Variants in TBC1D5 observed in about 807,000 individuals in gnomAD.
TBC1D5 encodes TBC1 domain family member 5.
TBC1D5 carries 75 observed loss-of-function variants against 100.3 expected under a neutral mutation model. The observed-to-expected ratio is 0.75, with a 90% CI of 0.62 to 0.91. The LOEUF (loss-of-function observed/expected upper bound fraction) is 0.91, where lower values mean the gene tolerates loss of function less well. TBC1D5 is among the 40% of genes least tolerant of loss of function. TBC1D5 has a pLI of 0.00. For synonymous variants in TBC1D5, 323 were observed against 325.6 expected, an observed-to-expected ratio of 0.99 and a Z score of 0.09; for missense variants, 910 against 942.4, an observed-to-expected ratio of 0.97 and a Z score of 0.45.
chr3:17,692,784 G>C (rs1042099681), intron 1 of TBC1D5, among the ~76,000 whole-genome samples: 1 of 152,166 alleles, frequency 6.6e-6, no homozygotes, highest in Non-Finnish European at 1.5e-5. Context: ...GAAGATCACA[G>C]GTTGAGTACC....
chr3:17,404,117 AG>A (rs2093710328), intron 7 of TBC1D5, among the ~76,000 whole-genome samples: 1 of 152,136 alleles, frequency 6.6e-6, no homozygotes, highest in African/African-American at 2.4e-5. Context: ...ATTGGGAAAG[AG>A]GAATGCTAAC....
At chr3:17,363,238 T>G (rs1185581315) in intron 13 of TBC1D5, among the ~76,000 whole-genome samples, 1 of 152,198 alleles carries the variant, frequency 6.6e-6, no homozygotes, top group Non-Finnish European at 1.5e-5. Context: ...GTGATAAACA[T>G]ATCTATACAT....
At chr3:17,195,661 A>C (rs114154307) in intron 18 of TBC1D5, among the ~76,000 whole-genome samples, 2,263 of 152,326 alleles carry the variant, frequency 0.015, 26 homozygotes, top group Middle Eastern at 0.034. Flanking sequence ...CCCTGCAGCA[A>C]ATCCAAGCTG....
intron 3 of TBC1D5, among the ~76,000 whole-genome samples, chr3:17,464,654 T>C (rs2095272251): frequency 6.6e-6 from 1 of 152,192 alleles, no homozygotes; most frequent in Non-Finnish European, 1.5e-5. Context: ...ATTGTTTCCA[T>C]TTTCTCATTT....
intron 1 of TBC1D5, among the ~76,000 whole-genome samples, chr3:17,708,308 A>G (rs930115550): frequency 6.6e-6 from 1 of 152,180 alleles, no homozygotes; most frequent in African/African-American, 2.4e-5. Context: ...CCTTTTAACT[A>G]TGCTTTTATC....
chr3:17,701,967 C>A (rs1280529196), intron 1 of TBC1D5, among the ~76,000 whole-genome samples: 3 of 151,896 alleles, frequency 2.0e-5, no homozygotes, highest in Non-Finnish European at 4.4e-5. Context: ...GCTAAAGATT[C>A]CCTCTCCCAG....
chr3:17,430,396 T>C (rs924884186), intron 3 of TBC1D5, among the ~76,000 whole-genome samples: 5 of 151,822 alleles, frequency 3.3e-5, no homozygotes, highest in Admixed American at 1.3e-4. Context: ...TTAAGAGAAT[T>C]TGGCTTTATA....
chr3:17,357,715 CT>C (rs2091342903), intron 13 of TBC1D5, among the ~76,000 whole-genome samples: 1 of 152,098 alleles, frequency 6.6e-6, no homozygotes, highest in Non-Finnish European at 1.5e-5. Flanking sequence ...GTTTTAAGTG[CT>C]TTGCAAATAA....
chr3:17,329,012 C>T (rs189094392), intron 13 of TBC1D5, among the ~76,000 whole-genome samples: 1 of 152,190 alleles, frequency 6.6e-6, no homozygotes, highest in African/African-American at 2.4e-5. Context: ...GAGGAAGGTG[C>T]TACAGAGATA....
chr3:17,559,738 C>G (rs1213698735), intron 2 of TBC1D5, among the ~76,000 whole-genome samples: 5 of 151,798 alleles, frequency 3.3e-5, no homozygotes, highest in African/African-American at 9.7e-5. Context: ...TACAGGCGCC[C>G]ACGACCATGC....
intron 1 of TBC1D5, among the ~76,000 whole-genome samples, chr3:17,624,433 T>C (rs2062905695): frequency 6.6e-6 from 1 of 152,144 alleles, no homozygotes; most frequent in African/African-American, 2.4e-5. Flanking sequence ...CTAACAATGC[T>C]GCGTGAACAG....
At chr3:17,506,982 C>A (rs1366977568) in intron 3 of TBC1D5, among the ~76,000 whole-genome samples, 1 of 152,176 alleles carries the variant, frequency 6.6e-6, no homozygotes, top group East Asian at 1.9e-4. Flanking sequence ...CGCCATTGCA[C>A]TCCAGCCTGG....
intron 1 of TBC1D5, chr3:17,665,031 TAAAAAAAAAAA>T (rs61069894): frequency 8.2e-5 from 8 of 97,088 alleles, no homozygotes; most frequent in Admixed American, 4.9e-4. Flanking sequence ...CCCCGCTATT[TAAAAAAAAAAA>T]AAAAAAAAAG....
chr3:17,561,093 A>T (rs946740167), intron 2 of TBC1D5, among the ~76,000 whole-genome samples: 4 of 152,314 alleles, frequency 2.6e-5, no homozygotes, highest in Admixed American at 2.0e-4. Context: ...GGCACAGAAC[A>T]CATGGAAGAG....
chr3:17,166,048 T>C (rs933071030), intron 21 of TBC1D5, among the ~76,000 whole-genome samples: 9 of 152,196 alleles, frequency 5.9e-5, no homozygotes, highest in Non-Finnish European at 1.0e-4. Context: ...TGTGTTAAAA[T>C]AAATTATATA....
At chr3:17,221,591 G>A (rs1231562004) in intron 17 of TBC1D5, among the ~76,000 whole-genome samples, 2 of 152,096 alleles carry the variant, frequency 1.3e-5, no homozygotes, top group African/African-American at 2.4e-5. Flanking sequence ...TGGTGTTGCT[G>A]GCCTTAAGGA....
intron 13 of TBC1D5, among the ~76,000 whole-genome samples, chr3:17,311,795 T>C (rs759165314): frequency 1.3e-5 from 2 of 152,042 alleles, no homozygotes; most frequent in African/African-American, 2.4e-5. Context: ...TTAACACACA[T>C]TATAAGGGCA....
exon 22 of TBC1D5, chr3:17,160,812 C>G (rs2065955652): frequency 2.0e-6 from 2 of 1,017,296 alleles, no homozygotes; most frequent in African/African-American, 3.3e-5. Context: ...ATGCTTCTCT[C>G]TAAGGGGTTT....
chr3:17,332,444 A>T (rs2087007811), intron 13 of TBC1D5, among the ~76,000 whole-genome samples: 1 of 152,150 alleles, frequency 6.6e-6, no homozygotes, highest in South Asian at 2.1e-4. Context: ...AGGCAGTTGG[A>T]TATGTGACTT....
Sources: gnomAD v4.1 joint callset for allele counts (sites outside exome capture counted in the v4.1 genomes callset) on GRCh38, gnomAD v4.1.1 for gene constraint, MANE v1.5 for transcripts, NCBI Gene and HGNC (gene_info 2026-07-23, HGNC 2026-07-21) for gene names.